The following KCNG4 variants were observed in gnomAD, a reference collection of about 807,000 sequenced individuals.
KCNG4 encodes the protein voltage-gated potassium channel regulatory subunit KCNG4.
In KCNG4, 30 loss-of-function variants were observed where a neutral mutation model predicts 28.2. The ratio of observed to expected loss-of-function variants is 1.06; its 90% CI spans 0.80 to 1.44. The LOEUF (loss-of-function observed/expected upper bound fraction) is 1.44, where lower values mean the gene tolerates loss of function less well. KCNG4 is among the 40% of genes most tolerant of loss of function. The probability of loss-of-function intolerance (pLI) is 0.00; values close to 1 mark genes in which losing one functional copy is unlikely to be tolerated. For synonymous variants in KCNG4, 375 were observed against 315.5 expected (o/e 1.19, Z -2.00); for missense variants, 879 against 712.3 (o/e 1.23, Z -2.66).
In KCNG4 at chr16:84,239,919, AT is replaced by A. The variant is rs57294981; in HGVS notation, c.-291del. Among the ~76,000 whole-genome samples, 894 of 148,682 alleles carry A rather than the reference AT, an allele frequency of 6.0e-3. 6 individuals are homozygous for A. Among genetic ancestry groups the A allele is most frequent in the South Asian group, 8.7e-3 (41 of 4,688 alleles). On this transcript the variant is annotated 5_prime_UTR_variant, in exon 1 of 3. Transcript: ENST00000308251. ...GAGAGCCCTGGGGGATTGAGGTGGG[AT>A]TTTTTTTTTTTTTTAAAGGACCCAG...
chr16:84,223,085 G>T, intron 2 of KCNG4, 65 bp from the exon 3 acceptor site: 1 of 1,300,808 alleles, frequency 7.7e-7, no homozygotes, highest in Non-Finnish European at 1.0e-6. Flanking sequence ...GGAAATCGGG[G>T]GACGACTTCA....
chr16:84,230,473 G>A (rs1904802809), intron 2 of KCNG4, among the ~76,000 whole-genome samples: 1 of 150,286 alleles, frequency 6.7e-6, no homozygotes, highest in Non-Finnish European at 1.5e-5. Context: ...TCAGGAGGCT[G>A]AGGCAGGAGA....
intron 2 of KCNG4, among the ~76,000 whole-genome samples, chr16:84,233,769 G>A (rs1445490104): frequency 6.6e-6 from 1 of 152,060 alleles, no homozygotes; most frequent in African/African-American, 2.4e-5. Flanking sequence ...AAAATAAAAC[G>A]AGGGTAGGAA....
intron 2 of KCNG4, among the ~76,000 whole-genome samples, chr16:84,228,733 T>C (rs1221498673): frequency 6.6e-6 from 1 of 152,164 alleles, no homozygotes; most frequent in Non-Finnish European, 1.5e-5. Flanking sequence ...ATGAGTCATC[T>C]CTCTGAAGGC....
chr16:84,232,867 C>G (rs927724558), intron 2 of KCNG4, among the ~76,000 whole-genome samples: 1 of 144,894 alleles, frequency 6.9e-6, no homozygotes, highest in Non-Finnish European at 1.5e-5. Flanking sequence ...CCACTGTACT[C>G]CAGCCTGGGG....
chr16:84,238,738 T>TGTA (rs1350444991), intron 1 of KCNG4, among the ~76,000 whole-genome samples: 1 of 152,114 alleles, frequency 6.6e-6, no homozygotes, highest in Non-Finnish European at 1.5e-5. Context: ...CAAGGTGGCA[T>TGTA]GTACCTGTAG....
chr16:84,224,066 C>T (rs897284892), intron 2 of KCNG4, among the ~76,000 whole-genome samples: 3 of 152,148 alleles, frequency 2.0e-5, no homozygotes, highest in African/African-American at 7.2e-5. Flanking sequence ...AAGTGTGGAC[C>T]TTGAGCCAAA....
chr16:84,222,009 C>T lies in KCNG4; in HGVS notation c.*208G>A. On this transcript the variant is annotated 3_prime_UTR_variant, in exon 3 of 3. Transcript: ENST00000308251. ...ATGGGCAGAGAGAGGAAAAGGCAAGCAGGCTGGACACAGTCAGCCTGGGAC... is the reference window on the plus strand; with the variant it reads ...ATGGGCAGAGAGAGGAAAAGGCAAGTAGGCTGGACACAGTCAGCCTGGGAC... The T allele has an allele frequency of 1.7e-6, 1 of 591,870 alleles. No homozygotes were observed. Among genetic ancestry groups the T allele is most frequent in the Admixed American group, 3.2e-5 (1 of 31,470 alleles). 36.7% of individuals were successfully genotyped at this position (591,870 alleles called of 1,614,324 possible).
intron 2 of KCNG4, among the ~76,000 whole-genome samples, chr16:84,234,249 C>T (rs1904890500): frequency 1.3e-5 from 2 of 152,208 alleles, no homozygotes; most frequent in Admixed American, 1.3e-4. Flanking sequence ...TCTTGGCTCA[C>T]TGCAACCTCC....
intron 1 of KCNG4, among the ~76,000 whole-genome samples, chr16:84,238,660 G>A (rs1382436317): frequency 1.3e-5 from 2 of 152,158 alleles, no homozygotes; most frequent in African/African-American, 4.8e-5. Context: ...ATCATCTGAG[G>A]TCAGGAGTTC....
At position 84,223,000 on chromosome 16, in the gene KCNG4, G is replaced by A. The variant is rs778467524; in HGVS notation, c.777C>T (p.Cys259=). 1 of 1,532,208 alleles carries A rather than the reference G, an allele frequency of 6.5e-7. No homozygotes were observed. The highest frequency in any genetic ancestry group is 8.8e-7 in the Non-Finnish European group (1 of 1,138,652). The allele number at this position is 1,532,208 out of a possible 1,614,324, so 94.9% of individuals were successfully genotyped here. Residue 259 remains cysteine (C), a synonymous_variant, in exon 3 of 3, where the codon TGC becomes TGT. Transcript: ENST00000308251. Reference sequence around the variant, plus strand: ...TGGTCTCCACGATGAAAATATAGTAGCACTTCCGAGAGCATTCGCCCTGCG... The same window carrying A: ...TGGTCTCCACGATGAAAATATAGTAACACTTCCGAGAGCATTCGCCCTGCG... ...EEDQGECSRK[C]YYIFIVETIC...
intron 2 of KCNG4, among the ~76,000 whole-genome samples, chr16:84,227,592 A>T (rs62049945): frequency 2.0e-5 from 3 of 151,996 alleles, no homozygotes; most frequent in African/African-American, 7.3e-5. Context: ...AAAACAAAAC[A>T]AAACAAAACC....
In KCNG4 at chr16:84,222,038, G is replaced by C; in HGVS notation, c.*179C>G. The C allele has an allele frequency of 2.9e-6, 2 of 692,820 alleles. No individual in the cohort carries two copies. Among genetic ancestry groups the C allele is most frequent in the Non-Finnish European group, 4.9e-6 (2 of 410,030 alleles). The allele number at this position is 692,820 out of a possible 1,614,324, so 42.9% of individuals were successfully genotyped here. A position where few individuals can be genotyped will look rare whatever the true frequency, so the allele number is the denominator to read the frequency against. On this transcript the variant is annotated 3_prime_UTR_variant, in exon 3 of 3. Coordinates refer to ENST00000308251, the MANE Select transcript of KCNG4 (RefSeq NM_172347.3). ...CTGGACACAGTCAGCCTGGGACATC[G>C]GGGCCCCGAGGGACAAGGATCACAG...
rs572720929 is a variant in KCNG4, at chr16:84,231,067, G to GAGCAGAGC, written c.756+5655_756+5662dup. On this transcript the variant is annotated intron_variant, in intron 2 of 2. Coordinates refer to ENST00000308251, the MANE Select transcript of KCNG4 (RefSeq NM_172347.3). The stretch of plus-strand genomic sequence containing the variant: ...GAGGGAGCCAGGGATGGAGGCTGGT[G>GAGCAGAGC]AGCAGAGCAGCAGAGCAGGTCCAGG... 4.5e-4 allele frequency among the ~76,000 whole-genome samples: 69 copies of GAGCAGAGC among 152,352 alleles called. 1 individual carries two copies. In the South Asian group the frequency reaches 0.013, roughly 30 times the overall value.
Position 84,223,006 on chromosome 16 carries a change from CCGAGAGCATTCG to C in KCNG4, c.759_770del (p.Glu254_Arg257del). ...CCACGATGAAAATATAGTAGCACTT[CCGAGAGCATTCG>C]CCCTGCGGGGAGAAGAGGCAACAAC... On this transcript the variant is annotated inframe_deletion and splice_region_variant, in exon 3 of 3. Transcript: ENST00000308251. 2 of 1,527,950 alleles carry C rather than the reference CCGAGAGCATTCG, an allele frequency of 1.3e-6. No homozygotes were observed. Among genetic ancestry groups the C allele is most frequent in the South Asian group, 2.6e-5 (2 of 77,062 alleles). The allele number at this position is 1,527,950 out of a possible 1,614,324, so 94.6% of individuals were successfully genotyped here.
intron 1 of KCNG4, 34 bp downstream of exon 1, chr16:84,239,636 C>G (rs533804423): frequency 6.6e-6 from 1 of 152,242 alleles, no homozygotes; most frequent in African/African-American, 2.4e-5. Flanking sequence ...CACCCTACAG[C>G]AAGCAGTAAC....
At chr16:84,235,977 T>C (rs1904937765) in intron 2 of KCNG4, 1 of 152,180 alleles carries the variant, frequency 6.6e-6, no homozygotes, top group South Asian at 2.1e-4. Context: ...CGGGGTCTCC[T>C]GTAACTCCCT....
In KCNG4 at chr16:84,222,789, C is replaced by G. The variant is rs767838539; in HGVS notation, c.988G>C (p.Glu330Gln). Residue 330 changes from glutamate (E) to glutamine (Q), a missense_variant, in exon 3 of 3, where the codon GAG becomes CAG. Coordinates refer to ENST00000308251, the MANE Select transcript of KCNG4 (RefSeq NM_172347.3). ...GERPSGSSYLEKVGLVLRVLR... is the reference protein window; with the variant it reads ...GERPSGSSYLQKVGLVLRVLR... ...ACACGCAGGACCAGCCCCACCTTCT[C>G]CAGGTAGGAGCTCCCGCTCGGCCTC... The G allele has an allele frequency of 2.5e-6, 4 of 1,610,704 alleles. No homozygotes were observed. The highest frequency in any genetic ancestry group is 2.5e-6 in the Non-Finnish European group (3 of 1,177,676).
rs142742654 is a variant in KCNG4 at position 84,222,431 on chromosome 16, G to A, written c.1346C>T (p.Pro449Leu). The stretch of plus-strand genomic sequence containing the variant: ...GAAGGTGTGGAAGATAGACGTGGCC[G>A]GGAAGGCCATGATGAGGATCCCGCT... ...ILSGILIMAF[P>L]ATSIFHTFSH... is the part of the protein sequence containing the mutation. Residue 449 changes from proline (P) to leucine (L), a missense_variant, in exon 3 of 3, where the codon CCG (proline) becomes CTG (leucine). Physicochemically the swap from Pro to Leu is moderately conservative, Grantham distance 98. Coordinates refer to ENST00000308251, the MANE Select transcript of KCNG4 (RefSeq NM_172347.3). 28 of 1,614,014 alleles carry A rather than the reference G, an allele frequency of 1.7e-5. No individual in the cohort carries two copies. The highest frequency in any genetic ancestry group is 6.7e-5 in the East Asian group (3 of 44,882).
Sources: allele counts gnomAD v4.1 joint callset (sites outside exome capture counted in the v4.1 genomes callset), GRCh38; gene constraint gnomAD v4.1.1; transcripts MANE v1.5; gene names NCBI Gene and HGNC (gene_info 2026-07-23, HGNC 2026-07-21).